IQCJ: variants seen among roughly 807,000 people sequenced by gnomAD.
IQCJ encodes the protein IQ motif containing J, also known as IQ domain-containing protein J.
Under a neutral mutation model 11.0 loss-of-function variants are expected in IQCJ, and 9 were observed. The observed-to-expected ratio is 0.82, with a 90% CI of 0.49 to 1.43. The LOEUF (loss-of-function observed/expected upper bound fraction) is 1.43. Ranked by LOEUF, IQCJ falls within the 40% of genes most tolerant of loss-of-function variation. The probability of loss-of-function intolerance (pLI) is 0.00; values close to 1 mark genes in which losing one functional copy is unlikely to be tolerated. For missense variants in IQCJ, 146 were observed against 133.2 expected, an observed-to-expected ratio of 1.10 and a Z score of -0.47; for synonymous variants, 55 against 51.3, an observed-to-expected ratio of 1.07 and a Z score of -0.31.
At chr3:159,117,499 T>C (rs1719100317) in intron 1 of IQCJ, among the ~76,000 whole-genome samples, 1 of 152,216 alleles carries the variant, frequency 6.6e-6, no homozygotes, top group Admixed American at 6.5e-5. Flanking sequence ...GTTGAGTTCA[T>C]TGTATGTACA....
Position 159,262,737 on chromosome 3 carries a change from T to G in IQCJ, c.*6T>G. The G allele has an allele frequency of 1.2e-6, 2 of 1,611,438 alleles. No homozygotes were observed. The highest frequency in any genetic ancestry group is 1.7e-6 in the Non-Finnish European group (2 of 1,178,000). On this transcript the variant is annotated 3_prime_UTR_variant, in exon 4 of 4. Transcript: ENST00000397832. ...CTGACTTGACATTCAACTGAAAGCC[T>G]AGACTTTGGTTCTAAGAGAGAAATC...
At chr3:159,140,078 C>A (rs1720516642) in intron 1 of IQCJ, among the ~76,000 whole-genome samples, 1 of 152,070 alleles carries the variant, frequency 6.6e-6, no homozygotes, top group Admixed American at 6.5e-5. Flanking sequence ...CTGTTCACCC[C>A]CATGTGTAGC....
At chr3:159,166,282 T>C (rs1014646051) in intron 1 of IQCJ, among the ~76,000 whole-genome samples, 2 of 152,242 alleles carry the variant, frequency 1.3e-5, no homozygotes, top group African/African-American at 4.8e-5. Context: ...TGCTCTTTTG[T>C]AACTTTCATC....
intron 3 of IQCJ, among the ~76,000 whole-genome samples, chr3:159,254,477 G>T (rs971195962): frequency 6.6e-6 from 1 of 152,176 alleles, no homozygotes; most frequent in African/African-American, 2.4e-5. Context: ...TCCCATTTCT[G>T]CTCACTGGAG....
At chr3:159,225,219 A>G (rs10936176) in intron 1 of IQCJ, among the ~76,000 whole-genome samples, 21,289 of 152,262 alleles carry the variant, frequency 0.14, 1,698 homozygotes, top group Middle Eastern at 0.21. Context: ...AACAATAAAA[A>G]AGGTACTATT....
rs368929112 is a variant in IQCJ, at chr3:159,200,030, C to CTA, written c.10-45796_10-45795dup. Among the ~76,000 whole-genome samples, 1,065 of 119,754 alleles carry CTA rather than the reference C, an allele frequency of 8.9e-3. 44 individuals carry two copies. The highest frequency in any genetic ancestry group is 0.042 in the South Asian group (127 of 3,034). 78.6% of individuals were successfully genotyped at this position (119,754 alleles called of 152,430 possible). On this transcript the variant is annotated intron_variant, in intron 1 of 3. Coordinates refer to ENST00000397832, the MANE Select transcript of IQCJ (RefSeq NM_001042706.3). ...TAAGATTGTTATAAGGAGTAAACGA[C>CTA]TATATATATATATATATAAATCTAA...
In IQCJ at chr3:159,176,832, G is replaced by C. The variant is rs181073495; in HGVS notation, c.10-69011G>C. Among the ~76,000 whole-genome samples, 585 of 152,262 alleles carry C rather than the reference G, an allele frequency of 3.8e-3. 6 individuals carry two copies. Among genetic ancestry groups the C allele is most frequent in the Middle Eastern group, 0.017 (5 of 294 alleles). On this transcript the variant is annotated intron_variant, in intron 1 of 3. Transcript: ENST00000397832. ...CTGGGGGAGGGTACCATATTGACCA[G>C]GGAAGTTCTAGAGAAAAGGCAAACT... is the stretch of plus-strand genomic sequence containing the variant.
chr3:159,126,222 G>A (rs907365186), intron 1 of IQCJ, among the ~76,000 whole-genome samples: 1 of 152,168 alleles, frequency 6.6e-6, no homozygotes, highest in African/African-American at 2.4e-5. Flanking sequence ...CCAGTCCTGG[G>A]CATGTGACCC....
intron 1 of IQCJ, among the ~76,000 whole-genome samples, chr3:159,147,421 G>GT: frequency 6.6e-6 from 1 of 152,144 alleles, no homozygotes; most frequent in Admixed American, 6.5e-5. Flanking sequence ...AATAGGTTAC[G>GT]TTTTCAGATT....
At chr3:159,228,333 G>A (rs1279154131) in intron 1 of IQCJ, among the ~76,000 whole-genome samples, 4 of 152,056 alleles carry the variant, frequency 2.6e-5, no homozygotes, top group Admixed American at 2.0e-4. Context: ...GACATATCTC[G>A]GTTTAGAATA....
intron 1 of IQCJ, among the ~76,000 whole-genome samples, chr3:159,153,368 C>T (rs1313875651): frequency 6.6e-6 from 1 of 152,134 alleles, no homozygotes; most frequent in African/African-American, 2.4e-5. Flanking sequence ...AATGGATACC[C>T]ACAGCACAAT....
At chr3:159,201,176 C>T (rs1724306833) in intron 1 of IQCJ, among the ~76,000 whole-genome samples, 1 of 152,128 alleles carries the variant, frequency 6.6e-6, no homozygotes, top group African/African-American at 2.4e-5. Flanking sequence ...AGGATTGAAA[C>T]TGAAAAGTAA....
chr3:159,199,518 G>A (rs1433296457), intron 1 of IQCJ, among the ~76,000 whole-genome samples: 2 of 152,100 alleles, frequency 1.3e-5, no homozygotes, highest in Non-Finnish European at 2.9e-5. Flanking sequence ...GAATAAATTT[G>A]TGTTGTTTTA....
intron 1 of IQCJ, among the ~76,000 whole-genome samples, chr3:159,170,451 A>G (rs1722426803): frequency 6.6e-6 from 1 of 152,212 alleles, no homozygotes; most frequent in African/African-American, 2.4e-5. Context: ...AGTTCTAAAA[A>G]GTAGGATGGA....
At position 159,140,191 on chromosome 3, in the gene IQCJ, G is replaced by A. The variant is rs1577034868; in HGVS notation, c.9+70750G>A. Among the ~76,000 whole-genome samples the A allele has an allele frequency of 3.3e-5, 5 of 152,208 alleles. 1 individual carries two copies. Among genetic ancestry groups the A allele is most frequent in the African/African-American group, 9.6e-5 (4 of 41,490 alleles). ...GTCCATAGTTTACATTAGGGTTCAC[G>A]ATTGGTGTTGTACAGTCTATGTGTT... On this transcript the variant is annotated intron_variant, in intron 1 of 3. Transcript: ENST00000397832.
At chr3:159,263,774 G>A (rs1487019495), downstream of IQCJ, 2 of 985,210 alleles carry the variant, frequency 2.0e-6, no homozygotes, top group African/African-American at 1.7e-5. Context: ...TGGATTTAAA[G>A]AGAGAGAATA....
chr3:159,160,034 A>G (rs952493511), intron 1 of IQCJ, among the ~76,000 whole-genome samples: 11 of 152,204 alleles, frequency 7.2e-5, no homozygotes, highest in African/African-American at 2.7e-4. Flanking sequence ...TGCAAATCTG[A>G]CTAACAGAGA....
At chr3:159,238,842 G>A (rs1726745015) in intron 1 of IQCJ, among the ~76,000 whole-genome samples, 1 of 152,162 alleles carries the variant, frequency 6.6e-6, no homozygotes, top group Non-Finnish European at 1.5e-5. Flanking sequence ...GAGAAGAAGT[G>A]TGTGCAGGGG....
chr3:159,109,292 C>T (rs577321099), intron 1 of IQCJ, among the ~76,000 whole-genome samples: 1 of 152,180 alleles, frequency 6.6e-6, no homozygotes, highest in East Asian at 1.9e-4. Context: ...ATATGTAAAT[C>T]CACCTTTCTG....
Sources: gnomAD v4.1 joint callset for allele counts (sites outside exome capture counted in the v4.1 genomes callset) on GRCh38, gnomAD v4.1.1 for gene constraint, MANE v1.5 for transcripts, NCBI Gene and HGNC (gene_info 2026-07-23, HGNC 2026-07-21) for gene names.